Variants in CASC3 observed in about 807,000 individuals in gnomAD.
CASC3 encodes CASC3 exon junction complex subunit.
A neutral mutation model predicts 80.5 loss-of-function variants in CASC3; 30 were observed. That is an observed-to-expected ratio of 0.37 (90% confidence interval 0.28 to 0.51). The LOEUF is 0.51. CASC3 is among the 20% of genes least tolerant of loss of function. The pLI, the probability that CASC3 is intolerant of heterozygous loss-of-function variation, is 0.94. For missense variants in CASC3, 824 were observed against 922.2 expected (o/e 0.89, Z 1.38); for synonymous variants, 312 against 333.6 (o/e 0.94, Z 0.70).
intron 3 of CASC3, among the ~76,000 whole-genome samples, chr17:40,159,823 C>T (rs1989249185): frequency 6.9e-6 from 1 of 145,908 alleles, no homozygotes; most frequent in Non-Finnish European, 1.5e-5. Context: ...TTAAGCAATT[C>T]TCTTGCCTCA....
At position 40,171,153 on chromosome 17, in the gene CASC3, G is replaced by C. The variant is rs1258339838; in HGVS notation, c.*748G>C. 2.0e-6 allele frequency: 2 copies of C among 986,002 alleles called. No homozygotes were observed. Among genetic ancestry groups the C allele is most frequent in the Non-Finnish European group, 2.4e-6 (2 of 829,980 alleles). 61.1% of individuals were successfully genotyped at this position (986,002 alleles called of 1,614,324 possible). A position where few individuals can be genotyped will look rare whatever the true frequency, so the allele number is the denominator to read the frequency against. On this transcript the variant is annotated 3_prime_UTR_variant, in exon 14 of 14. Transcript: ENST00000264645. ...GGTAGGAGCCCTTCTCTTTGACTTAGGTTTTTAGGAGTCTGAGCATCCATC... is the reference window on the plus strand; with the variant it reads ...GGTAGGAGCCCTTCTCTTTGACTTACGTTTTTAGGAGTCTGAGCATCCATC...
intron 5 of CASC3, 25 bp downstream of exon 5, chr17:40,162,178 T>C: frequency 6.2e-7 from 1 of 1,603,742 alleles, no homozygotes; most frequent in African/African-American, 1.3e-5. Flanking sequence ...CTGCTGCTGC[T>C]GTCTAACATG....
chr17:40,153,690 G>C (rs1989070051), intron 3 of CASC3, among the ~76,000 whole-genome samples: 1 of 152,126 alleles, frequency 6.6e-6, no homozygotes, highest in South Asian at 2.1e-4. Context: ...GTGCATGCCT[G>C]TACTCTCAGC....
In CASC3 at chr17:40,167,864, C is replaced by CTG; in HGVS notation, c.1666_1667insTG (p.Pro556LeufsTer24). The CTG allele has an allele frequency of 2.5e-6, 4 of 1,614,056 alleles. No individual in the cohort carries two copies. The South Asian group carries it at 3.3e-5, about 13-fold the overall frequency. ...ATATCTTACAGTGCAGTTCCAGGGA[C>CTG]CAATCTATACCCATGGTGACAGCCC... On this transcript the variant is annotated frameshift_variant, in exon 10 of 14. Transcript: ENST00000264645. LOFTEE classifies it high-confidence loss of function.
In CASC3 at chr17:40,160,552, C is replaced by T. The variant is rs1421037430; in HGVS notation, c.298-1201C>T. On this transcript the variant is annotated intron_variant, in intron 3 of 13. Coordinates refer to ENST00000264645, the MANE Select transcript of CASC3 (RefSeq NM_007359.5). ...AGAGATTATCAAGGAAGATTAAGCT[C>T]CTCTTATATGTTAGGTATCGTATAG... Among the ~76,000 whole-genome samples, 8 of 151,862 alleles carry T rather than the reference C, an allele frequency of 5.3e-5. No individual in the cohort carries two copies. In the East Asian group the frequency reaches 1.5e-3, roughly 29 times the overall value.
intron 4 of CASC3, 31 bp from the exon 5 acceptor site, chr17:40,161,971 A>G (rs1598428678): frequency 4.3e-6 from 7 of 1,612,536 alleles, no homozygotes; most frequent in Non-Finnish European, 5.1e-6. Flanking sequence ...TGAGGCTTGG[A>G]AGAGTAAGGA....
At position 40,162,854 on chromosome 17, in the gene CASC3, A is replaced by C. The variant is rs890581929; in HGVS notation, c.738A>C (p.Ser246=). ...LIALYGYDIR[S]AHNPDDIKPR... The stretch of plus-strand genomic sequence containing the variant: ...CTCTTTATGGTTATGACATTCGCTC[A>C]GCTCATAATCCTGATGACATCAAAC... The change falls in exon 6 of 14, where the codon TCA becomes TCC. Residue 246 remains serine, a synonymous_variant. Coordinates refer to ENST00000264645, the MANE Select transcript of CASC3 (RefSeq NM_007359.5). 2 of 1,614,032 alleles carry C rather than the reference A, an allele frequency of 1.2e-6. No homozygotes were observed. Among genetic ancestry groups the C allele is most frequent in the African/African-American group, 2.7e-5 (2 of 74,922 alleles).
chr17:40,168,180 G>GT (rs1009755264), intron 10 of CASC3, 23 bp from the exon 11 acceptor site: 67 of 1,604,390 alleles, frequency 4.2e-5, no homozygotes, highest in Non-Finnish European at 4.6e-5. Context: ...TTATTTTTCA[G>GT]TTTTTTTCTT....
chr17:40,167,563 C>G lies in CASC3; in HGVS notation c.1602C>G (p.Pro534=). 6.2e-7 allele frequency: 1 copy of G among 1,614,072 alleles called. No individual in the cohort carries two copies. Among genetic ancestry groups the G allele is most frequent in the Non-Finnish European group, 8.5e-7 (1 of 1,179,992 alleles). Residue 534 remains proline (P), a synonymous_variant, in exon 9 of 14, where the codon CCC becomes CCG. Coordinates refer to ENST00000264645, the MANE Select transcript of CASC3 (RefSeq NM_007359.5). ...SQRQRPVPEP[P]APPVHISIME... ...GGCAAAGACCTGTGCCAGAGCCCCC[C>G]GCCCCTCCAGTGCATATCAGTATCA...
intron 3 of CASC3, among the ~76,000 whole-genome samples, chr17:40,151,955 A>G (rs1044967112): frequency 5.9e-5 from 9 of 152,184 alleles, no homozygotes; most frequent in African/African-American, 2.2e-4. Context: ...ACTCACAAAT[A>G]AAAATTGTAT....
Position 40,170,662 on chromosome 17 carries a change from G to C in CASC3, c.*257G>C. 11 of 985,564 alleles carry C rather than the reference G, an allele frequency of 1.1e-5. No homozygotes were observed. The South Asian group carries it at 4.7e-4, about 42-fold the overall frequency. The allele number at this position is 985,564 out of a possible 1,614,324, so 61.1% of individuals were successfully genotyped here. ...TTGGCTGTGTTCGGGGGAGCAGAGAGAGCCAGACAGCCCCAAGCTTCTGAG... is the reference window on the plus strand; with the variant it reads ...TTGGCTGTGTTCGGGGGAGCAGAGACAGCCAGACAGCCCCAAGCTTCTGAG... On this transcript the variant is annotated 3_prime_UTR_variant, in exon 14 of 14. Coordinates refer to ENST00000264645, the MANE Select transcript of CASC3 (RefSeq NM_007359.5).
Position 40,160,725 on chromosome 17 carries a change from G to A in CASC3, c.298-1028G>A, listed in dbSNP as rs576084151. ...ACAAACTTGGCTCACTGCAACCTCC[G>A]CCTCCCGGCTAATTTTTGTATTTTT... On this transcript the variant is annotated intron_variant, in intron 3 of 13. Coordinates refer to ENST00000264645, the MANE Select transcript of CASC3 (RefSeq NM_007359.5). Among the ~76,000 whole-genome samples the A allele has an allele frequency of 2.7e-4, 41 of 151,676 alleles. No homozygotes were observed. The South Asian group carries it at 8.4e-3, about 31-fold the overall frequency.
At position 40,163,924 on chromosome 17, in the gene CASC3, C is replaced by T. The variant is rs781672032; in HGVS notation, c.1229C>T (p.Thr410Ile). 1.2e-6 allele frequency: 2 copies of T among 1,614,112 alleles called. No homozygotes were observed. The highest frequency in any genetic ancestry group is 2.2e-5 in the South Asian group (2 of 91,086). Residue 410 changes from threonine (T) to isoleucine (I), a missense_variant, in exon 7 of 14, where the codon ACT becomes ATT. Thr to Ile is a moderately conservative substitution (Grantham distance 89). This residue lies in a region of CASC3 where 464 missense variants were observed against 506.0 expected (regional missense o/e 0.92). Coordinates refer to ENST00000264645, the MANE Select transcript of CASC3 (RefSeq NM_007359.5). The part of the protein sequence containing the change: ...EKKSYSRARR[T>I]RTKVGDAVKL... Reference sequence around the variant, plus strand: ...AAATCCTATTCCCGGGCAAGAAGAACTCGAACCAAAGTTGGAGATGCAGTC... The same window carrying T: ...AAATCCTATTCCCGGGCAAGAAGAATTCGAACCAAAGTTGGAGATGCAGTC...
chr17:40,160,770 C>T (rs113983161), intron 3 of CASC3, among the ~76,000 whole-genome samples: 1 of 151,998 alleles, frequency 6.6e-6, no homozygotes, highest in Non-Finnish European at 1.5e-5. Context: ...AGAGTTTCAC[C>T]ATGTTGGCCA....
intron 3 of CASC3, among the ~76,000 whole-genome samples, chr17:40,143,838 G>GTA (rs58372072): frequency 2.2e-3 from 325 of 150,150 alleles, no homozygotes; most frequent in African/African-American, 7.2e-3. Flanking sequence ...CAAAAAAAAA[G>GTA]TATATATATA....
intron 3 of CASC3, among the ~76,000 whole-genome samples, chr17:40,144,058 C>T (rs932338417): frequency 2.6e-5 from 4 of 151,842 alleles, no homozygotes; most frequent in African/African-American, 7.3e-5. Context: ...TCGAGACTAG[C>T]CTGGCCAACA....
chr17:40,142,978 T>C (rs1377419268), intron 3 of CASC3, among the ~76,000 whole-genome samples: 1 of 151,368 alleles, frequency 6.6e-6, no homozygotes, highest in Non-Finnish European at 1.5e-5. Context: ...TCGCAGCTAC[T>C]TGGGAGGCTG....
At chr17:40,145,886 T>G (rs9910546) in intron 3 of CASC3, among the ~76,000 whole-genome samples, 5,885 of 151,972 alleles carry the variant, frequency 0.039, 381 homozygotes, top group African/African-American at 0.14. Flanking sequence ...CGGTCTTGGT[T>G]TTTCAAAGTG....
At position 40,164,084 on chromosome 17, in the gene CASC3, G is replaced by T; in HGVS notation, c.1389G>T (p.Glu463Asp). ...APVDSSTSGL[E>D]QDVAQLNIAE... is the part of the protein sequence containing the mutation. ...TGGATTCTAGTACAAGTGGACTTGA[G>T]CAAGATGTGGCACAACTAAATATAG... The change falls in exon 7 of 14, where the codon GAG (glutamate) becomes GAT (aspartate). Residue 463 changes from glutamate (E) to aspartate (D), a missense_variant. Around this residue, in one of 3 missense-constraint regions of CASC3, gnomAD observed 464 missense variants for 506.0 expected, o/e 0.92. Transcript: ENST00000264645. The T allele has an allele frequency of 6.2e-7, 1 of 1,613,812 alleles. No individual in the cohort carries two copies. Among genetic ancestry groups the T allele is most frequent in the Non-Finnish European group, 8.5e-7 (1 of 1,180,022 alleles).
Sources: allele counts gnomAD v4.1 joint callset (sites outside exome capture counted in the v4.1 genomes callset), GRCh38; gene constraint gnomAD v4.1.1; regional missense constraint gnomAD v4.1.1; transcripts MANE v1.5; gene names NCBI Gene and HGNC (gene_info 2026-07-23, HGNC 2026-07-21).